The following RASA2 variants were observed in gnomAD, a reference collection of about 807,000 sequenced individuals.
RASA2 encodes ras GTPase-activating protein 2.
A neutral mutation model predicts 118.2 loss-of-function variants in RASA2; 155 were observed. That is an observed-to-expected ratio of 1.31 (90% CI 1.15 to 1.50). The LOEUF is 1.50. Among genes scored for constraint, RASA2 ranks in the 40% most tolerant of loss-of-function variants. The probability of loss-of-function intolerance (pLI) is 0.00; values close to 1 mark genes in which losing one functional copy is unlikely to be tolerated. For missense variants in RASA2, 1,016 were observed against 1,009.6 expected, an observed-to-expected ratio of 1.01 and a Z score of -0.09; for synonymous variants, 353 against 349.1, an observed-to-expected ratio of 1.01 and a Z score of -0.12.
chr3:141,579,963 G>A (rs949996496), intron 15 of RASA2, among the ~76,000 whole-genome samples: 7 of 149,598 alleles, frequency 4.7e-5, no homozygotes, highest in African/African-American at 9.9e-5. Context: ...GACTGAGACA[G>A]GAGAATCGCT....
intron 19 of RASA2, among the ~76,000 whole-genome samples, chr3:141,588,969 G>A (rs1037109259): frequency 1.3e-5 from 2 of 151,784 alleles, no homozygotes; most frequent in African/African-American, 2.4e-5. Flanking sequence ...AGCCTCCCGA[G>A]TAGCTGGGAT....
chr3:141,513,677 A>G (rs896917403), intron 2 of RASA2, among the ~76,000 whole-genome samples: 6 of 152,234 alleles, frequency 3.9e-5, no homozygotes, highest in Non-Finnish European at 8.8e-5. Flanking sequence ...GGAAAAATAT[A>G]GTGACAAAAG....
intron 22 of RASA2, 38 bp downstream of exon 22, chr3:141,609,561 T>G: frequency 2.8e-6 from 4 of 1,415,580 alleles, no homozygotes; most frequent in Non-Finnish European, 4.0e-6. Flanking sequence ...CCATAATCTT[T>G]CATTACCAAT....
At position 141,504,367 on chromosome 3, in the gene RASA2, A is replaced by G. The variant is rs1428414972; in HGVS notation, c.134-7796A>G. 2.6e-5 allele frequency among the ~76,000 whole-genome samples: 4 copies of G among 152,308 alleles called. No individual in the cohort carries two copies. In the East Asian group the frequency reaches 7.7e-4, roughly 29 times the overall value. The stretch of plus-strand genomic sequence containing the variant: ...TTGTCTGCACTTGGATGTATAAGGC[A>G]TCTCAGATTTAATATTCAATACAGT... On this transcript the variant is annotated intron_variant, in intron 1 of 23. Transcript: ENST00000286364.
At chr3:141,566,802 A>C (rs1310327672) in intron 9 of RASA2, among the ~76,000 whole-genome samples, 2 of 152,106 alleles carry the variant, frequency 1.3e-5, no homozygotes, top group Admixed American at 6.6e-5. Flanking sequence ...CTTTTTTCTC[A>C]TGTTAGTTAG....
chr3:141,560,737 T>C (rs1239160124), intron 9 of RASA2, among the ~76,000 whole-genome samples: 1 of 152,196 alleles, frequency 6.6e-6, no homozygotes, highest in Non-Finnish European at 1.5e-5. Context: ...GCATCTCTCT[T>C]GCTAGATTTT....
At chr3:141,551,742 T>G (rs779655495) in intron 5 of RASA2, among the ~76,000 whole-genome samples, 2 of 152,180 alleles carry the variant, frequency 1.3e-5, no homozygotes, top group Non-Finnish European at 2.9e-5. Context: ...AAGTTAAAAT[T>G]TTCTTTTAGT....
In RASA2 at chr3:141,580,059, A is replaced by G. The variant is rs1187534815; in HGVS notation, c.1591-309A>G. 5.1e-3 allele frequency among the ~76,000 whole-genome samples: 410 copies of G among 80,380 alleles called. 6 individuals carry two copies. Among genetic ancestry groups the G allele is most frequent in the African/African-American group, 0.028 (387 of 14,006 alleles). 52.7% of individuals were successfully genotyped at this position (80,380 alleles called of 152,430 possible). ...CAACAGAGTGAGACTCCATCTCAGG[A>G]AAAAAAAAAGAAAAAAAAAAAAAAA... On this transcript the variant is annotated intron_variant, in intron 15 of 23. Transcript: ENST00000286364.
intron 9 of RASA2, among the ~76,000 whole-genome samples, chr3:141,561,157 C>T (rs1020799375): frequency 4.6e-5 from 7 of 152,166 alleles, no homozygotes; most frequent in African/African-American, 1.7e-4. Context: ...CCCACTACAC[C>T]ATGTCTTCCA....
intron 15 of RASA2, 54 bp from the exon 16 acceptor site, chr3:141,580,314 T>C (rs2083090751): frequency 1.4e-6 from 2 of 1,379,482 alleles, no homozygotes; most frequent in Non-Finnish European, 2.0e-6. Flanking sequence ...TACTTTTTTA[T>C]ACAAACTATT....
Position 141,543,987 on chromosome 3 carries a change from T to C in RASA2, c.527+3378T>C, listed in dbSNP as rs2082445979. On this transcript the variant is annotated intron_variant, in intron 5 of 23. Transcript: ENST00000286364. ...GCCTCCCGGATTCAAGCGATTTTCA[T>C]GCCTCAGCCTCCTAAGTAGCTGGAA... Among the ~76,000 whole-genome samples, 5 of 151,194 alleles carry C rather than the reference T, an allele frequency of 3.3e-5. No homozygotes were observed. The South Asian group carries it at 1.0e-3, about 32-fold the overall frequency.
intron 3 of RASA2, among the ~76,000 whole-genome samples, chr3:141,522,747 G>A (rs186314814): frequency 5.3e-5 from 8 of 152,186 alleles, no homozygotes; most frequent in African/African-American, 1.9e-4. Flanking sequence ...TCTTCACCCC[G>A]TACACTTCAC....
chr3:141,489,033 T>TA (rs2081609828), intron 1 of RASA2, among the ~76,000 whole-genome samples: 1 of 151,710 alleles, frequency 6.6e-6, no homozygotes, highest in Non-Finnish European at 1.5e-5. Context: ...GTCTACACGT[T>TA]AAAAAAAAGA....
Position 141,516,081 on chromosome 3 carries a change from TAGG to T in RASA2, c.252-244_252-242del, listed in dbSNP as rs1437267071. Reference sequence around the variant, plus strand: ...TGGGGGGAGGGGGGAGGGATAGCATTAGGAGATATACCTAATGTAAATGATGAG... The same window carrying T: ...TGGGGGGAGGGGGGAGGGATAGCATTAGATATACCTAATGTAAATGATGAG... On this transcript the variant is annotated intron_variant, in intron 2 of 23. Coordinates refer to ENST00000286364, the MANE Select transcript of RASA2 (RefSeq NM_006506.5). Among the ~76,000 whole-genome samples the T allele has an allele frequency of 0.011, 1,596 of 146,486 alleles. 39 individuals carry two copies. Among genetic ancestry groups the T allele is most frequent in the African/African-American group, 0.038 (1,498 of 39,858 alleles).
At position 141,612,320 on chromosome 3, in the gene RASA2, A is replaced by T. The variant is rs1014805530; in HGVS notation, c.*7A>T. On this transcript the variant is annotated 3_prime_UTR_variant, in exon 24 of 24. Coordinates refer to ENST00000286364, the MANE Select transcript of RASA2 (RefSeq NM_006506.5). ...TGTTGGGAAAGCATCTTAGAGTTTA[A>T]CAGATTGGTTCAGAAGAACTGGAAA... 8.8e-6 allele frequency: 14 copies of T among 1,583,414 alleles called. No homozygotes were observed. Among genetic ancestry groups the T allele is most frequent in the Non-Finnish European group, 1.2e-5 (14 of 1,158,322 alleles).
At chr3:141,528,105 A>G (rs1312992837) in intron 3 of RASA2, among the ~76,000 whole-genome samples, 1 of 151,944 alleles carries the variant, frequency 6.6e-6, no homozygotes, top group Non-Finnish European at 1.5e-5. Context: ...ACATATAAAG[A>G]TGAACTTTCA....
chr3:141,577,138 C>A (rs771910534), intron 15 of RASA2, 32 bp downstream of exon 15: 4 of 1,472,622 alleles, frequency 2.7e-6, no homozygotes, highest in Non-Finnish European at 3.7e-6. Flanking sequence ...AGCTTTATTC[C>A]ATTTTTTTAA....
At chr3:141,501,893 C>G (rs1335394513) in intron 1 of RASA2, among the ~76,000 whole-genome samples, 2 of 151,782 alleles carry the variant, frequency 1.3e-5, no homozygotes, top group Non-Finnish European at 2.9e-5. Flanking sequence ...ATGTAAATGA[C>G]AAAATGTGCA....
chr3:141,507,884 A>G (rs2081892337), intron 1 of RASA2, among the ~76,000 whole-genome samples: 1 of 152,202 alleles, frequency 6.6e-6, no homozygotes, highest in African/African-American at 2.4e-5. Context: ...GAGGCTGGGA[A>G]ATGTATTTTT....
Sources: gnomAD v4.1 joint callset for allele counts (sites outside exome capture counted in the v4.1 genomes callset) on GRCh38, gnomAD v4.1.1 for gene constraint, MANE v1.5 for transcripts, NCBI Gene and HGNC (gene_info 2026-07-23, HGNC 2026-07-21) for gene names.